The following ABCB5 variants were observed in gnomAD, a reference collection of about 807,000 sequenced individuals.
ABCB5 encodes the protein ATP-binding cassette sub-family B member 5.
In ABCB5, 155 loss-of-function variants were observed where a neutral mutation model predicts 144.2. The observed-to-expected ratio is 1.08, with a 90% confidence interval of 0.94 to 1.23. The LOEUF is 1.23. ABCB5 is among the 50% of genes most tolerant of loss of function. The pLI, the probability that ABCB5 is intolerant of heterozygous loss-of-function variation, is 0.00. For missense variants in ABCB5, 1,830 were observed against 1,520.8 expected (o/e 1.20, Z -3.38); for synonymous variants, 610 against 528.6 (o/e 1.15, Z -2.11).
intron 14 of ABCB5, among the ~76,000 whole-genome samples, chr7:20,667,786 G>C (rs182521830): frequency 6.7e-6 from 1 of 149,014 alleles, no homozygotes; most frequent in South Asian, 2.2e-4. Context: ...AACCTGGACT[G>C]TACTGCTGCC....
At chr7:20,659,783 A>G in intron 14 of ABCB5, 2 of 983,648 alleles carry the variant, frequency 2.0e-6, no homozygotes, top group Non-Finnish European at 2.4e-6. Flanking sequence ...CACTGTGTTC[A>G]AGCGATTCTC....
chr7:20,726,133 C>T (rs1337425610), intron 21 of ABCB5, among the ~76,000 whole-genome samples: 3 of 152,148 alleles, frequency 2.0e-5, no homozygotes, highest in Non-Finnish European at 4.4e-5. Context: ...TGTAATTATG[C>T]ATTCTCTTTA....
chr7:20,698,645 T>C lies in ABCB5; in HGVS notation c.2154+95T>C, dbSNP rs898481896. 6.5e-5 allele frequency: 83 copies of C among 1,280,586 alleles called. 1 individual carries two copies. In the African/African-American group the frequency reaches 9.0e-4, roughly 14 times the overall value. 79.3% of individuals were successfully genotyped at this position (1,280,586 alleles called of 1,614,324 possible). On this transcript the variant is annotated intron_variant, in intron 17 of 27. Transcript: ENST00000404938. ...ATCAGTCTAAACCACAAGGGGAAAA[T>C]TGGGACTTTTAGTGGGCCGCCCCTA...
chr7:20,692,691 A>G lies in ABCB5; in HGVS notation c.2011-5716A>G, dbSNP rs957202819. On this transcript the variant is annotated intron_variant, in intron 16 of 27. Transcript: ENST00000404938. ...TATGGGTTTTTTTAAGACAAGTATT[A>G]GTAAAATGTTTGAAAACAATAGCCA... Among the ~76,000 whole-genome samples, 5 of 152,100 alleles carry G rather than the reference A, an allele frequency of 3.3e-5. No individual in the cohort carries two copies. In the East Asian group the frequency reaches 7.7e-4, roughly 23 times the overall value.
At chr7:20,658,769 G>C in intron 14 of ABCB5, 93 bp downstream of exon 14, 1 of 1,412,044 alleles carries the variant, frequency 7.1e-7, no homozygotes, top group Non-Finnish European at 9.6e-7. Flanking sequence ...GATTACTCAA[G>C]TTGAGAGCCC....
rs766243958 is a variant in ABCB5, at chr7:20,742,951, C to T, written c.3099C>T (p.Leu1033=). The change falls in exon 25 of 28, where the codon CTC becomes CTT. Residue 1033 remains leucine, a synonymous_variant. Coordinates refer to ENST00000404938, the MANE Select transcript of ABCB5 (RefSeq NM_001163941.2). The stretch of plus-strand genomic sequence containing the variant: ...CATGTCGCCCAGATGTTTTCATCCT[C>T]CGTGGCTTATCCCTCAGTATTGAGC... ...FYPCRPDVFI[L]RGLSLSIERG... 10 of 1,614,042 alleles carry T rather than the reference C, an allele frequency of 6.2e-6. No homozygotes were observed. Among genetic ancestry groups the T allele is most frequent in the African/African-American group, 1.3e-5 (1 of 74,912 alleles).
intron 16 of ABCB5, among the ~76,000 whole-genome samples, chr7:20,689,788 G>C (rs1786150055): frequency 6.6e-6 from 1 of 152,156 alleles, no homozygotes; most frequent in Admixed American, 6.5e-5. Context: ...TTAACCTCTT[G>C]CCCACTGGTA....
intron 20 of ABCB5, among the ~76,000 whole-genome samples, chr7:20,708,538 C>A (rs893584157): frequency 6.6e-6 from 1 of 152,136 alleles, no homozygotes; most frequent in Non-Finnish European, 1.5e-5. Flanking sequence ...GCCTTGAATT[C>A]ATAATATTGC....
Position 20,648,016 on chromosome 7 carries a change from A to G in ABCB5, c.1144A>G (p.Ile382Val), listed in dbSNP as rs1487229828. 6.2e-7 allele frequency: 1 copy of G among 1,612,196 alleles called. No homozygotes were observed. Among genetic ancestry groups the G allele is most frequent in the Non-Finnish European group, 8.5e-7 (1 of 1,178,712 alleles). ...CACAGCTGGATATAAACCTGAATCCATAGAAGGAACTGTGGAATTTAAAAA... is the reference window on the plus strand; with the variant it reads ...CACAGCTGGATATAAACCTGAATCCGTAGAAGGAACTGTGGAATTTAAAAA... ...FSTAGYKPESIEGTVEFKNVS... is the reference protein window; with the variant it reads ...FSTAGYKPESVEGTVEFKNVS... The change falls in exon 11 of 28, where the codon ATA (isoleucine) becomes GTA (valine). Residue 382 changes from isoleucine to valine, a missense_variant. By Grantham distance (29) the Ile-to-Val change is conservative (BLOSUM62 3). Coordinates refer to ENST00000404938, the MANE Select transcript of ABCB5 (RefSeq NM_001163941.2).
chr7:20,618,649 G>A (rs375071764), intron 1 of ABCB5, among the ~76,000 whole-genome samples: 1 of 150,848 alleles, frequency 6.6e-6, no homozygotes, highest in Admixed American at 6.6e-5. Context: ...CCATTTATCA[G>A]TGAAAACATA....
chr7:20,718,225 C>G (rs1781751047), intron 20 of ABCB5, among the ~76,000 whole-genome samples: 5 of 152,066 alleles, frequency 3.3e-5, no homozygotes, highest in Admixed American at 3.3e-4. Context: ...CAGTAACATT[C>G]TGATAAACTG....
At chr7:20,724,801 A>G (rs58366303) in intron 21 of ABCB5, among the ~76,000 whole-genome samples, 22,111 of 152,018 alleles carry the variant, frequency 0.15, 2,091 homozygotes, top group East Asian at 0.41. Context: ...ATTCATGAAT[A>G]GGGATGCCAA....
At chr7:20,694,273 T>C (rs992178399) in intron 16 of ABCB5, among the ~76,000 whole-genome samples, 5 of 151,900 alleles carry the variant, frequency 3.3e-5, no homozygotes, top group African/African-American at 9.7e-5. Context: ...AAGAATAATA[T>C]ATCATCACCA....
chr7:20,750,928 C>T (rs1310886581), intron 26 of ABCB5, among the ~76,000 whole-genome samples: 5 of 152,198 alleles, frequency 3.3e-5, no homozygotes, highest in African/African-American at 9.7e-5. Context: ...CTGAGACACA[C>T]ACCAGGTGTG....
chr7:20,754,986 G>T (rs1238658733), intron 27 of ABCB5, among the ~76,000 whole-genome samples: 1 of 149,892 alleles, frequency 6.7e-6, no homozygotes, highest in Non-Finnish European at 1.5e-5. Flanking sequence ...TTTCACTCTT[G>T]TCACTTAGGC....
intron 15 of ABCB5, 62 bp downstream of exon 15, chr7:20,681,728 A>G (rs766641840): frequency 2.4e-4 from 375 of 1,531,908 alleles, no homozygotes; most frequent in Non-Finnish European, 3.2e-4. Context: ...ATCATACCAC[A>G]CTAGAAAACA....
chr7:20,632,549 A>G (rs561648531), intron 5 of ABCB5, among the ~76,000 whole-genome samples: 91 of 152,164 alleles, frequency 6.0e-4, no homozygotes, highest in African/African-American at 2.2e-3. Flanking sequence ...CTGCTATAAA[A>G]ACACATGCAC....
intron 23 of ABCB5, among the ~76,000 whole-genome samples, chr7:20,734,572 G>A (rs182787788): frequency 6.6e-6 from 1 of 151,556 alleles, no homozygotes; most frequent in East Asian, 1.9e-4. Context: ...ATACACAAAG[G>A]GAGTTTTAAC....
chr7:20,735,025 G>A (rs779710000), intron 23 of ABCB5, among the ~76,000 whole-genome samples: 36 of 152,180 alleles, frequency 2.4e-4, no homozygotes, highest in African/African-American at 5.3e-4. Context: ...AATCAGGAGA[G>A]GTTTCTGTAG....
Sources: allele counts gnomAD v4.1 joint callset (sites outside exome capture counted in the v4.1 genomes callset), GRCh38; gene constraint gnomAD v4.1.1; transcripts MANE v1.5; gene names NCBI Gene and HGNC (gene_info 2026-07-23, HGNC 2026-07-21).